The following PIEZO2 variants were observed in gnomAD, a reference collection of about 807,000 sequenced individuals.
The protein encoded by PIEZO2 is piezo-type mechanosensitive ion channel component 2.
In PIEZO2, 172 loss-of-function variants were observed where a neutral mutation model predicts 337.3. The observed-to-expected ratio is 0.51, with a 90% CI of 0.45 to 0.58. The LOEUF (loss-of-function observed/expected upper bound fraction) is 0.58. Among genes scored for constraint, PIEZO2 ranks in the 20% least tolerant of loss-of-function variants. The pLI, the probability that PIEZO2 is intolerant of heterozygous loss-of-function variation, is 0.00. For missense variants in PIEZO2, 3,028 were observed against 3,391.3 expected (o/e 0.89, Z 2.66); for synonymous variants, 1,251 against 1,228.5 (o/e 1.02, Z -0.38).
chr18:10,810,791 T>G (rs752023675), intron 7 of PIEZO2, among the ~76,000 whole-genome samples: 3 of 152,108 alleles, frequency 2.0e-5, no homozygotes, highest in African/African-American at 4.8e-5. Flanking sequence ...GCAATGAAGA[T>G]CCAAGAAATA....
intron 21 of PIEZO2, among the ~76,000 whole-genome samples, chr18:10,769,424 A>G (rs939035671): frequency 2.3e-4 from 35 of 152,182 alleles, no homozygotes; most frequent in African/African-American, 8.4e-4. Flanking sequence ...GAAAAGTTTT[A>G]GGTTTGTAGT....
intron 36 of PIEZO2, among the ~76,000 whole-genome samples, chr18:10,720,653 C>T (rs1353023581): frequency 6.6e-6 from 1 of 151,292 alleles, no homozygotes; most frequent in Non-Finnish European, 1.5e-5. Context: ...AGATGTTGCT[C>T]GGGCTGGTCT....
chr18:10,934,055 A>C (rs182535440), intron 3 of PIEZO2, among the ~76,000 whole-genome samples: 184 of 152,374 alleles, frequency 1.2e-3, no homozygotes, highest in African/African-American at 4.2e-3. Context: ...AGACTAATAC[A>C]GGTGGTAACT....
Position 10,682,927 on chromosome 18 carries a change from A to G in PIEZO2, c.7498-635T>C, listed in dbSNP as rs2034337136. 6.6e-6 allele frequency among the ~76,000 whole-genome samples: 1 copy of G among 152,170 alleles called. No individual in the cohort carries two copies. Among genetic ancestry groups the G allele is most frequent in the Non-Finnish European group, 1.5e-5 (1 of 68,026 alleles). Reference sequence around the variant, plus strand: ...CCTGTGCACCAGTAAGGCTGGGAGCACTTCTGTTTGCTTTAATATAGATTC... The same window carrying G: ...CCTGTGCACCAGTAAGGCTGGGAGCGCTTCTGTTTGCTTTAATATAGATTC... On this transcript the variant is annotated intron_variant, in intron 49 of 55. Transcript: ENST00000674853. The surrounding 1 kb of genome is among the most constrained non-coding windows in gnomAD (Gnocchi z 5.6).
At position 11,146,825 on chromosome 18, in the gene PIEZO2, A is replaced by G. The variant is rs979787759; in HGVS notation, c.64+1700T>C. ...GAGCTGCTGTCCCTTGGAGAGCGGG[A>G]TGGGGGATGGGGAAGAGGGTGTCCA... On this transcript the variant is annotated intron_variant, in intron 1 of 55. Transcript: ENST00000674853. This position sits in a 1 kb window ranked among gnomAD's most constrained non-coding sequence, Gnocchi z 6.1. 7.9e-5 allele frequency among the ~76,000 whole-genome samples: 12 copies of G among 152,118 alleles called. No individual in the cohort carries two copies. The highest frequency in any genetic ancestry group is 1.2e-4 in the Non-Finnish European group (8 of 67,998).
At chr18:10,681,914 G>C (rs778736644) in intron 50 of PIEZO2, among the ~76,000 whole-genome samples, 161 bp from the exon 51 acceptor site, 1 of 150,660 alleles carries the variant, frequency 6.6e-6, no homozygotes, top group African/African-American at 2.4e-5. Context: ...GATTATTCCC[G>C]TGCTCAAGAC....
chr18:11,067,538 G>T lies in PIEZO2; in HGVS notation c.65-1316C>A, dbSNP rs558631503. ...AATACACAGAGACTGAAGGTGAAAG[G>T]ATGGAAAAAGATATTCTATGCAAAT... On this transcript the variant is annotated intron_variant, in intron 1 of 55. Coordinates refer to ENST00000674853, the MANE Select transcript of PIEZO2 (RefSeq NM_001378183.1). Among the ~76,000 whole-genome samples, 14 of 152,296 alleles carry T rather than the reference G, an allele frequency of 9.2e-5. No homozygotes were observed. In the East Asian group the frequency reaches 2.7e-3, roughly 29 times the overall value.
rs1240859523 is a variant in PIEZO2, at chr18:11,031,268, G to T, written c.160+34859C>A. ...CCCACCTCAGCCTCCCAAAGTGCTG[G>T]GATTACAGGCGTGAGCCACTGCGCC... On this transcript the variant is annotated intron_variant, in intron 2 of 55. Coordinates refer to ENST00000674853, the MANE Select transcript of PIEZO2 (RefSeq NM_001378183.1). This position sits in a 1 kb window ranked among gnomAD's most constrained non-coding sequence, Gnocchi z 4.7. Among the ~76,000 whole-genome samples the T allele has an allele frequency of 6.6e-6, 1 of 151,880 alleles. No individual in the cohort carries two copies. The highest frequency in any genetic ancestry group is 1.9e-4 in the East Asian group (1 of 5,162).
chr18:10,671,296 A>G lies in PIEZO2; in HGVS notation c.*231T>C. ...TGCGAGACACTGTTGACTAAAACATAAAGCAAGTAGCCCTGATTTCAGAGA... is the reference window on the plus strand; with the variant it reads ...TGCGAGACACTGTTGACTAAAACATGAAGCAAGTAGCCCTGATTTCAGAGA... On this transcript the variant is annotated 3_prime_UTR_variant, in exon 56 of 56. Transcript: ENST00000674853. 2.4e-6 allele frequency: 1 copy of G among 415,092 alleles called. No homozygotes were observed. Among genetic ancestry groups the G allele is most frequent in the Non-Finnish European group, 4.3e-6 (1 of 233,478 alleles). The allele number at this position is 415,092 out of a possible 1,614,324, so 25.7% of individuals were successfully genotyped here.
At chr18:11,013,346 A>T (rs2035971531) in intron 2 of PIEZO2, among the ~76,000 whole-genome samples, 1 of 152,230 alleles carries the variant, frequency 6.6e-6, no homozygotes, top group South Asian at 2.1e-4. Context: ...GACAGCTGGC[A>T]GCTGGAAGGG....
At position 10,726,981 on chromosome 18, in the gene PIEZO2, C is replaced by G; in HGVS notation, c.5029+4426G>C. ...CAGACAGAGGCCCTGGACAGAAGCT[C>G]CAGATAGGCCCCCAGAACATGAAGC... On this transcript the variant is annotated intron_variant, in intron 36 of 55. Coordinates refer to ENST00000674853, the MANE Select transcript of PIEZO2 (RefSeq NM_001378183.1). The surrounding 1 kb of genome is among the most constrained non-coding windows in gnomAD (Gnocchi z 5.9). 8.8e-7 allele frequency: 1 copy of G among 1,139,738 alleles called. No individual in the cohort carries two copies. Among genetic ancestry groups the G allele is most frequent in the Non-Finnish European group, 1.2e-6 (1 of 806,160 alleles). 70.6% of individuals were successfully genotyped at this position (1,139,738 alleles called of 1,614,324 possible).
rs2038095442 is a variant in PIEZO2 at position 11,064,730 on chromosome 18, A to C, written c.160+1397T>G. On this transcript the variant is annotated intron_variant, in intron 2 of 55. Transcript: ENST00000674853. ...ATCCCAGTTACTTGATTTCCAAATAAAACAATAAAGGGCCACACTGATATA... is the reference window on the plus strand; with the variant it reads ...ATCCCAGTTACTTGATTTCCAAATACAACAATAAAGGGCCACACTGATATA... 2.0e-5 allele frequency among the ~76,000 whole-genome samples: 3 copies of C among 152,220 alleles called. No homozygotes were observed. The South Asian group carries it at 6.2e-4, about 32-fold the overall frequency.
intron 2 of PIEZO2, among the ~76,000 whole-genome samples, chr18:11,020,169 A>G (rs2036260250): frequency 6.6e-6 from 1 of 152,236 alleles, no homozygotes; most frequent in Non-Finnish European, 1.5e-5. Flanking sequence ...AGAAAAGGCA[A>G]CACAGAAGAG....
chr18:10,993,269 G>C lies in PIEZO2; in HGVS notation c.161-13609C>G, dbSNP rs1431608272. Among the ~76,000 whole-genome samples the C allele has an allele frequency of 1.3e-5, 2 of 152,162 alleles. No homozygotes were observed. Among genetic ancestry groups the C allele is most frequent in the African/African-American group, 2.4e-5 (1 of 41,436 alleles). On this transcript the variant is annotated intron_variant, in intron 2 of 55. Coordinates refer to ENST00000674853, the MANE Select transcript of PIEZO2 (RefSeq NM_001378183.1). The surrounding 1 kb of genome is among the most constrained non-coding windows in gnomAD (Gnocchi z 5.0). ...AGAACTTCCAATACTATGTTGAATA[G>C]GAGTGGTGAGAGAGTGCCGGTTTTC...
intron 2 of PIEZO2, among the ~76,000 whole-genome samples, chr18:11,017,758 T>C (rs749881113): frequency 6.6e-6 from 1 of 152,214 alleles, no homozygotes; most frequent in African/African-American, 2.4e-5. Context: ...GACCTCTTCT[T>C]TTGAGCTCAG....
chr18:10,720,768 T>C (rs1294579512), intron 36 of PIEZO2, among the ~76,000 whole-genome samples: 1 of 152,090 alleles, frequency 6.6e-6, no homozygotes, highest in African/African-American at 2.4e-5. Context: ...TTTATCTGGT[T>C]ACCCTATCTA....
At chr18:10,926,800 G>A (rs896777910) in intron 3 of PIEZO2, among the ~76,000 whole-genome samples, 24 of 152,156 alleles carry the variant, frequency 1.6e-4, no homozygotes, top group Non-Finnish European at 2.1e-4. Context: ...GATTAAAGGC[G>A]TAATAGAAAG....
intron 23 of PIEZO2, among the ~76,000 whole-genome samples, chr18:10,761,922 A>C (rs891543434): frequency 2.0e-5 from 3 of 152,216 alleles, no homozygotes; most frequent in Non-Finnish European, 4.4e-5. Flanking sequence ...TGTTGTTTTC[A>C]TTATGTTTGT....
intron 1 of PIEZO2, among the ~76,000 whole-genome samples, chr18:11,123,998 A>G (rs1025551936): frequency 2.0e-5 from 3 of 152,240 alleles, no homozygotes; most frequent in Non-Finnish European, 4.4e-5. Flanking sequence ...TCAACGATGT[A>G]TACTTACACT....
Sources: gnomAD v4.1 joint callset for allele counts (sites outside exome capture counted in the v4.1 genomes callset) on GRCh38, gnomAD v4.1.1 for gene constraint, Gnocchi (gnomAD v3.1) non-coding constraint, MANE v1.5 for transcripts, NCBI Gene and HGNC (gene_info 2026-07-23, HGNC 2026-07-21) for gene names.